MDGA2: variants seen among roughly 807,000 people sequenced by gnomAD.
MDGA2 encodes MAM domain-containing glycosylphosphatidylinositol anchor protein 2.
Under a neutral mutation model 117.8 loss-of-function variants are expected in MDGA2, and 40 were observed. The ratio of observed to expected loss-of-function variants is 0.34; its 90% CI spans 0.26 to 0.44. The LOEUF is 0.44. MDGA2 is among the 20% of genes least tolerant of loss of function. MDGA2 has a pLI of 1.00. For missense variants in MDGA2, 1,123 were observed against 1,250.6 expected (o/e 0.90, Z 1.54); for synonymous variants, 452 against 439.0 (o/e 1.03, Z -0.37).
chr14:46,846,422 T>C (rs1380548505), intron 15 of MDGA2, among the ~76,000 whole-genome samples: 1 of 152,102 alleles, frequency 6.6e-6, no homozygotes, highest in African/African-American at 2.4e-5. Context: ...TTTACCTCCA[T>C]GATTTCACTG....
chr14:47,570,605 A>G (rs1489748643), intron 1 of MDGA2, among the ~76,000 whole-genome samples: 2 of 152,190 alleles, frequency 1.3e-5, no homozygotes, highest in Non-Finnish European at 2.9e-5. Context: ...AACACTACAC[A>G]TCTACAACCA....
At chr14:47,345,700 TTA>T (rs1890748385) in intron 1 of MDGA2, among the ~76,000 whole-genome samples, 1 of 151,962 alleles carries the variant, frequency 6.6e-6, no homozygotes, top group Admixed American at 6.6e-5. Context: ...TGAAGATGAA[TTA>T]CAATGAAGCT....
intron 1 of MDGA2, among the ~76,000 whole-genome samples, chr14:47,512,273 C>G (rs753215024): frequency 2.6e-5 from 4 of 152,074 alleles, no homozygotes; most frequent in South Asian, 2.1e-4. Flanking sequence ...AAATAAGTGT[C>G]AGAATTTTTA....
At chr14:47,313,156 G>A (rs8022332) in intron 1 of MDGA2, among the ~76,000 whole-genome samples, 13,588 of 151,910 alleles carry the variant, frequency 0.089, 738 homozygotes, top group Non-Finnish European at 0.11. Context: ...TTTTAACCCC[G>A]AAGAAGTGAT....
chr14:47,343,629 T>A (rs1890697204), intron 1 of MDGA2, among the ~76,000 whole-genome samples: 1 of 152,192 alleles, frequency 6.6e-6, no homozygotes. Flanking sequence ...GCCATTTTCA[T>A]TAATTATCTA....
chr14:47,316,959 C>A (rs1889827823), intron 1 of MDGA2, among the ~76,000 whole-genome samples: 1 of 152,062 alleles, frequency 6.6e-6, no homozygotes, highest in African/African-American at 2.4e-5. Context: ...ATATATCAAA[C>A]TTCCCTTAAT....
At chr14:47,232,738 A>C (rs1370630105) in intron 2 of MDGA2, among the ~76,000 whole-genome samples, 1 of 151,978 alleles carries the variant, frequency 6.6e-6, no homozygotes, top group Non-Finnish European at 1.5e-5. Context: ...AACACCATAG[A>C]CTCTAACTGC....
At chr14:47,125,167 G>C (rs1184213191) in intron 5 of MDGA2, among the ~76,000 whole-genome samples, 3 of 152,124 alleles carry the variant, frequency 2.0e-5, no homozygotes, top group Admixed American at 2.0e-4. Context: ...AATGGCTGAT[G>C]TTAGTACTAA....
chr14:46,948,680 C>T (rs890698815), intron 9 of MDGA2, among the ~76,000 whole-genome samples: 1 of 151,952 alleles, frequency 6.6e-6, no homozygotes, highest in African/African-American at 2.4e-5. Flanking sequence ...CTCAACGTTT[C>T]TCCTAATATT....
At chr14:46,974,866 C>A (rs574624190) in intron 8 of MDGA2, among the ~76,000 whole-genome samples, 1 of 151,346 alleles carries the variant, frequency 6.6e-6, no homozygotes, top group Admixed American at 6.6e-5. Flanking sequence ...AAATGGAATT[C>A]GTATTTTTTT....
chr14:47,484,715 C>A (rs973611435), intron 1 of MDGA2, among the ~76,000 whole-genome samples: 1 of 152,110 alleles, frequency 6.6e-6, no homozygotes, highest in African/African-American at 2.4e-5. Flanking sequence ...ATGGCTAAAT[C>A]GTAGGGGCAG....
chr14:47,186,016 A>G (rs1053844920), intron 3 of MDGA2, among the ~76,000 whole-genome samples: 2 of 151,660 alleles, frequency 1.3e-5, no homozygotes, highest in African/African-American at 4.8e-5. Flanking sequence ...ATGTGTACAT[A>G]TGTTCATACC....
intron 5 of MDGA2, among the ~76,000 whole-genome samples, chr14:47,126,268 T>G (rs530591932): frequency 1.3e-5 from 2 of 152,052 alleles, no homozygotes; most frequent in Non-Finnish European, 2.9e-5. Flanking sequence ...CAAATATGAG[T>G]AGGGAAACAA....
intron 8 of MDGA2, among the ~76,000 whole-genome samples, chr14:47,014,826 T>C (rs1331800630): frequency 6.6e-6 from 1 of 152,202 alleles, no homozygotes; most frequent in African/African-American, 2.4e-5. Context: ...TGGTGTTCAC[T>C]GGAGTAGCAC....
chr14:47,452,419 T>A (rs1372221251), intron 1 of MDGA2, among the ~76,000 whole-genome samples: 5 of 152,096 alleles, frequency 3.3e-5, no homozygotes, highest in African/African-American at 1.2e-4. Flanking sequence ...TAAGACATTA[T>A]TTTTTAGTTA....
chr14:47,139,680 G>A (rs548653136), intron 4 of MDGA2, among the ~76,000 whole-genome samples: 2 of 150,726 alleles, frequency 1.3e-5, no homozygotes, highest in East Asian at 3.9e-4. Context: ...TCATTATAGA[G>A]TACACATGGC....
intron 1 of MDGA2, among the ~76,000 whole-genome samples, chr14:47,452,120 T>C (rs915604876): frequency 6.6e-5 from 10 of 152,036 alleles, no homozygotes; most frequent in African/African-American, 1.2e-4. Flanking sequence ...AAAGCAGCAT[T>C]GAGTGGTAAC....
At chr14:47,211,348 A>G (rs1885876486) in intron 3 of MDGA2, among the ~76,000 whole-genome samples, 1 of 152,158 alleles carries the variant, frequency 6.6e-6, no homozygotes, top group Admixed American at 6.5e-5. Flanking sequence ...AACCAAAAAC[A>G]CAAGACTCCT....
At chr14:46,942,087 T>C (rs1278501988) in intron 9 of MDGA2, among the ~76,000 whole-genome samples, 1 of 152,174 alleles carries the variant, frequency 6.6e-6, no homozygotes, top group Non-Finnish European at 1.5e-5. Context: ...TGATGTAACA[T>C]TCGCTGTCTC....
Sources: allele counts gnomAD v4.1 joint callset (sites outside exome capture counted in the v4.1 genomes callset), GRCh38; gene constraint gnomAD v4.1.1; transcripts MANE v1.5; gene names NCBI Gene and HGNC (gene_info 2026-07-23, HGNC 2026-07-21).